The following GRM7 variants were observed in gnomAD, a reference collection of about 807,000 sequenced individuals.
GRM7 encodes metabotropic glutamate receptor 7.
In GRM7, 35 loss-of-function variants were observed where a neutral mutation model predicts 84.5. That is an observed-to-expected ratio of 0.41 (90% CI 0.32 to 0.55). GRM7 has a LOEUF of 0.55. Among genes scored for constraint, GRM7 ranks in the 20% least tolerant of loss-of-function variants. The pLI, the probability that GRM7 is intolerant of heterozygous loss-of-function variation, is 0.19. For synonymous variants in GRM7, 487 were observed against 455.1 expected (o/e 1.07, Z -0.89); for missense variants, 1,003 against 1,194.6 (o/e 0.84, Z 2.36).
chr3:7,249,092 C>T (rs1464252740), intron 2 of GRM7, among the ~76,000 whole-genome samples: 1 of 151,924 alleles, frequency 6.6e-6, no homozygotes, highest in Non-Finnish European at 1.5e-5. Context: ...TGTGTAGTGA[C>T]CTTGTTGAAT....
intron 9 of GRM7, among the ~76,000 whole-genome samples, chr3:7,714,827 T>A (rs1337893293): frequency 6.6e-6 from 1 of 152,224 alleles, no homozygotes; most frequent in African/African-American, 2.4e-5. Flanking sequence ...AGAGGTCTAT[T>A]GGTGCAACAG....
At chr3:7,544,663 T>A (rs1037890538) in intron 7 of GRM7, among the ~76,000 whole-genome samples, 5 of 152,226 alleles carry the variant, frequency 3.3e-5, no homozygotes, top group Admixed American at 6.5e-5. Flanking sequence ...TTTCATTGGT[T>A]ACTGTACCTC....
chr3:7,549,448 G>T (rs1273046080), intron 7 of GRM7, among the ~76,000 whole-genome samples: 1 of 152,108 alleles, frequency 6.6e-6, no homozygotes, highest in Non-Finnish European at 1.5e-5. Context: ...TGTGTTTTCT[G>T]TCAGATAACT....
chr3:7,475,045 A>G (rs1238520944), intron 7 of GRM7, among the ~76,000 whole-genome samples: 3 of 152,240 alleles, frequency 2.0e-5, no homozygotes, highest in Admixed American at 2.0e-4. Flanking sequence ...ATACACAACT[A>G]TTCAGTTGTA....
intron 5 of GRM7, among the ~76,000 whole-genome samples, chr3:7,427,055 T>C (rs1696638542): frequency 6.6e-6 from 1 of 152,198 alleles, no homozygotes. Context: ...TCAGAGACTT[T>C]GTAGGATCTT....
At chr3:7,477,277 G>A (rs1470977433) in intron 7 of GRM7, among the ~76,000 whole-genome samples, 1 of 151,942 alleles carries the variant, frequency 6.6e-6, no homozygotes, top group Non-Finnish European at 1.5e-5. Context: ...TCATTCATCA[G>A]GACCTCACAG....
intron 4 of GRM7, among the ~76,000 whole-genome samples, chr3:7,312,805 A>G (rs747107905): frequency 1.3e-5 from 2 of 152,082 alleles, no homozygotes; most frequent in Non-Finnish European, 2.9e-5. Context: ...ACTATATAAC[A>G]TTTTATCCAA....
chr3:7,422,052 G>C (rs967778259), intron 5 of GRM7, among the ~76,000 whole-genome samples: 1 of 151,860 alleles, frequency 6.6e-6, no homozygotes. Context: ...CTGTGATCAT[G>C]CCACTGCACT....
At chr3:7,037,743 C>T (rs540365800) in intron 1 of GRM7, among the ~76,000 whole-genome samples, 1 of 152,180 alleles carries the variant, frequency 6.6e-6, no homozygotes, top group South Asian at 2.1e-4. Flanking sequence ...TTTTAATTTC[C>T]TCAAGAAATA....
At chr3:7,088,330 A>C (rs1698534321) in intron 1 of GRM7, among the ~76,000 whole-genome samples, 1 of 152,188 alleles carries the variant, frequency 6.6e-6, no homozygotes, top group Non-Finnish European at 1.5e-5. Flanking sequence ...ATGAACTCAA[A>C]TATGCCTTGA....
chr3:7,473,491 A>AGG (rs1559347575), intron 7 of GRM7, among the ~76,000 whole-genome samples: 1 of 51,026 alleles, frequency 2.0e-5, no homozygotes, highest in African/African-American at 1.1e-4. Flanking sequence ...AACGAGAGGG[A>AGG]GAGAGAGAGA....
chr3:6,898,734 G>T (rs892389511), intron 1 of GRM7, among the ~76,000 whole-genome samples: 2 of 151,614 alleles, frequency 1.3e-5, no homozygotes, highest in African/African-American at 4.9e-5. Context: ...AGCTACTCTG[G>T]AGGCGAAGGC....
At chr3:7,501,654 G>A (rs1341982424) in intron 7 of GRM7, among the ~76,000 whole-genome samples, 2 of 152,108 alleles carry the variant, frequency 1.3e-5, no homozygotes, top group East Asian at 3.9e-4. Context: ...ACCTATTATG[G>A]TACTTATTTC....
At chr3:7,131,021 A>G (rs962678284) in intron 1 of GRM7, among the ~76,000 whole-genome samples, 1 of 152,190 alleles carries the variant, frequency 6.6e-6, no homozygotes, top group African/African-American at 2.4e-5. Context: ...CTTCACTAGC[A>G]TTGTGAATTT....
intron 5 of GRM7, among the ~76,000 whole-genome samples, chr3:7,420,606 A>G (rs889526028): frequency 5.9e-5 from 9 of 152,056 alleles, no homozygotes; most frequent in Non-Finnish European, 1.3e-4. Flanking sequence ...TCTCTGACTC[A>G]TCTCTAAATA....
At chr3:7,589,229 T>C (rs1695662258) in intron 8 of GRM7, among the ~76,000 whole-genome samples, 2 of 152,224 alleles carry the variant, frequency 1.3e-5, no homozygotes, top group Non-Finnish European at 2.9e-5. Flanking sequence ...TTTATTTTCA[T>C]GTTGCAGATC....
At chr3:7,684,280 C>T (rs954592717) in intron 9 of GRM7, among the ~76,000 whole-genome samples, 3 of 152,234 alleles carry the variant, frequency 2.0e-5, no homozygotes, top group South Asian at 2.1e-4. Context: ...CAAACAAAAA[C>T]GTAGCTCATG....
chr3:7,311,175 T>C (rs1467484691), intron 4 of GRM7, among the ~76,000 whole-genome samples: 1 of 152,096 alleles, frequency 6.6e-6, no homozygotes, highest in Non-Finnish European at 1.5e-5. Context: ...CAAATATACC[T>C]GGGAAATGTA....
At chr3:7,406,867 G>T (rs965678143) in intron 4 of GRM7, among the ~76,000 whole-genome samples, 2 of 152,174 alleles carry the variant, frequency 1.3e-5, no homozygotes, top group African/African-American at 2.4e-5. Context: ...TTGGATATAG[G>T]TTGGCAAGTG....
Sources: gnomAD v4.1 joint callset for allele counts (sites outside exome capture counted in the v4.1 genomes callset) on GRCh38, gnomAD v4.1.1 for gene constraint, MANE v1.5 for transcripts, NCBI Gene and HGNC (gene_info 2026-07-23, HGNC 2026-07-21) for gene names.